The following PHLPP2 variants were observed in gnomAD, a reference collection of about 807,000 sequenced individuals.
PHLPP2 encodes the protein PH domain leucine-rich repeat-containing protein phosphatase 2.
A neutral mutation model predicts 124.9 loss-of-function variants in PHLPP2; 66 were observed. The ratio of observed to expected loss-of-function variants is 0.53; its 90% CI spans 0.43 to 0.65. The LOEUF is 0.65. PHLPP2 is among the 30% of genes least tolerant of loss of function. The pLI is 0.00. For missense variants in PHLPP2, 1,685 were observed against 1,600.4 expected, an observed-to-expected ratio of 1.05 and a Z score of -0.90; for synonymous variants, 681 against 624.7, an observed-to-expected ratio of 1.09 and a Z score of -1.34.
At chr16:71,665,632 T>G (rs929050122) in intron 12 of PHLPP2, among the ~76,000 whole-genome samples, 2 of 152,228 alleles carry the variant, frequency 1.3e-5, no homozygotes, top group Non-Finnish European at 1.5e-5. Flanking sequence ...TGTGTCTGCT[T>G]GTGCTGTGGT....
intron 4 of PHLPP2, among the ~76,000 whole-genome samples, chr16:71,686,812 T>C (rs1232309278): frequency 6.6e-6 from 1 of 152,064 alleles, no homozygotes; most frequent in Non-Finnish European, 1.5e-5. Flanking sequence ...GGTATAGATA[T>C]ATCACATTTG....
chr16:71,650,778 G>A (rs2044690358), intron 18 of PHLPP2, among the ~76,000 whole-genome samples: 2 of 152,174 alleles, frequency 1.3e-5, no homozygotes, highest in South Asian at 2.1e-4. Flanking sequence ...ATCACCCTCT[G>A]GGAGAAGACC....
At chr16:71,697,814 TCTC>T (rs1314885483) in intron 3 of PHLPP2, among the ~76,000 whole-genome samples, 9 of 145,974 alleles carry the variant, frequency 6.2e-5, no homozygotes, top group East Asian at 4.2e-4. Flanking sequence ...TCTCTCTCTC[TCTC>T]TTTTTTTTTT....
chr16:71,677,067 C>T (rs2044953426), intron 8 of PHLPP2: 1 of 198,570 alleles, frequency 5.0e-6, no homozygotes, highest in African/African-American at 2.4e-5. Context: ...TCCTAAACAA[C>T]TTAAGAATTT....
At chr16:71,701,846 TTAAA>T (rs1427648075) in intron 3 of PHLPP2, among the ~76,000 whole-genome samples, 1 of 152,208 alleles carries the variant, frequency 6.6e-6, no homozygotes, top group African/African-American at 2.4e-5. Flanking sequence ...TATTTTATAA[TTAAA>T]TATTGTTAAT....
At chr16:71,693,105 A>G (rs1390053537) in intron 3 of PHLPP2, among the ~76,000 whole-genome samples, 2 of 152,120 alleles carry the variant, frequency 1.3e-5, no homozygotes, top group African/African-American at 4.8e-5. Flanking sequence ...CCTGACCAAC[A>G]TGGAAACCCC....
chr16:71,699,193 A>G (rs2045204527), intron 3 of PHLPP2, among the ~76,000 whole-genome samples: 1 of 152,212 alleles, frequency 6.6e-6, no homozygotes. Flanking sequence ...AATTCTAGGC[A>G]GACAGGGACA....
At chr16:71,681,120 T>C (rs1434262643) in intron 6 of PHLPP2, among the ~76,000 whole-genome samples, 1 of 152,230 alleles carries the variant, frequency 6.6e-6, no homozygotes, top group Non-Finnish European at 1.5e-5. Flanking sequence ...TAATTTCCAA[T>C]TTCTCCCTTC....
At chr16:71,652,227 G>A (rs1381698577) in intron 18 of PHLPP2, among the ~76,000 whole-genome samples, 1 of 152,124 alleles carries the variant, frequency 6.6e-6, no homozygotes, top group Admixed American at 6.6e-5. Context: ...AGATCTGAAC[G>A]GAATTCATCA....
chr16:71,663,037 C>T (rs2145317512), intron 13 of PHLPP2, among the ~76,000 whole-genome samples: 1 of 152,304 alleles, frequency 6.6e-6, no homozygotes, highest in South Asian at 2.1e-4. Context: ...GCCCCATCCC[C>T]AGGCTCTGTG....
intron 2 of PHLPP2, among the ~76,000 whole-genome samples, chr16:71,703,696 A>G (rs1317033308): frequency 2.0e-5 from 3 of 152,192 alleles, no homozygotes; most frequent in Non-Finnish European, 4.4e-5. Context: ...TGCATGCCCC[A>G]GTATATTTAC....
At chr16:71,699,964 T>A (rs1345157622) in intron 3 of PHLPP2, among the ~76,000 whole-genome samples, 1 of 152,148 alleles carries the variant, frequency 6.6e-6, no homozygotes, top group East Asian at 1.9e-4. Context: ...CCCACCAGCG[T>A]CCAATCAGCT....
At chr16:71,682,042 A>C in intron 5 of PHLPP2, 137 bp from the exon 6 acceptor site, 1 of 567,204 alleles carries the variant, frequency 1.8e-6, no homozygotes, top group Admixed American at 3.7e-5. Context: ...CCAATTATTC[A>C]TTTATAAATA....
chr16:71,701,955 T>C (rs1340567570), intron 3 of PHLPP2, among the ~76,000 whole-genome samples: 1 of 152,170 alleles, frequency 6.6e-6, no homozygotes, highest in African/African-American at 2.4e-5. Flanking sequence ...CTATCTGCAA[T>C]TTCAGTCATC....
intron 12 of PHLPP2, chr16:71,664,340 C>T (rs898500598): frequency 2.9e-5 from 16 of 554,114 alleles, no homozygotes; most frequent in Non-Finnish European, 4.8e-5. Context: ...TCCCAGGCTT[C>T]TGGAGTGCCT....
intron 5 of PHLPP2, among the ~76,000 whole-genome samples, chr16:71,683,616 A>C (rs1425215038): frequency 1.3e-5 from 2 of 152,230 alleles, no homozygotes; most frequent in African/African-American, 4.8e-5. Context: ...CAGACAGTAC[A>C]GAGGAAAATG....
chr16:71,655,042 AC>A, intron 17 of PHLPP2, 197 bp downstream of exon 17: 1 of 519,042 alleles, frequency 1.9e-6, no homozygotes, highest in Non-Finnish European at 3.4e-6. Flanking sequence ...AACAGAGAAA[AC>A]AGATGACCCC....
At chr16:71,702,755 A>G in intron 2 of PHLPP2, 24 bp from the exon 3 acceptor site, 1 of 1,514,686 alleles carries the variant, frequency 6.6e-7, no homozygotes. Context: ...TCAAAAAAAT[A>G]TATATATTTG....
chr16:71,685,827 T>G (rs1250782542), intron 4 of PHLPP2, among the ~76,000 whole-genome samples: 1 of 152,246 alleles, frequency 6.6e-6, no homozygotes, highest in Admixed American at 6.5e-5. Flanking sequence ...TTTGTCAACT[T>G]CCCTGAGTAT....
Sources: gnomAD v4.1 joint callset for allele counts (sites outside exome capture counted in the v4.1 genomes callset) on GRCh38, gnomAD v4.1.1 for gene constraint, MANE v1.5 for transcripts, NCBI Gene and HGNC (gene_info 2026-07-23, HGNC 2026-07-21) for gene names.